The following KCNH1 variants were observed in gnomAD, a reference collection of about 807,000 sequenced individuals.
KCNH1 encodes the protein voltage-gated delayed rectifier potassium channel KCNH1.
A neutral mutation model predicts 69.2 loss-of-function variants in KCNH1; 27 were observed. The ratio of observed to expected loss-of-function variants is 0.39; its 90% CI spans 0.29 to 0.54. The LOEUF (loss-of-function observed/expected upper bound fraction) is 0.54, where lower values mean the gene tolerates loss of function less well. KCNH1 is among the 20% of genes least tolerant of loss of function. The pLI, the probability that KCNH1 is intolerant of heterozygous loss-of-function variation, is 0.68. For missense variants in KCNH1, 798 were observed against 1,261.6 expected (o/e 0.63, Z 5.57); for synonymous variants, 456 against 487.7 (o/e 0.93, Z 0.86).
chr1:211,113,108 T>G (rs1691504087), intron 1 of KCNH1, among the ~76,000 whole-genome samples: 1 of 152,186 alleles, frequency 6.6e-6, no homozygotes, highest in Admixed American at 6.5e-5. Flanking sequence ...AACCTTTACA[T>G]GAATCTTTGT....
At chr1:210,906,332 C>T (rs557398553) in intron 7 of KCNH1, among the ~76,000 whole-genome samples, 8 of 152,266 alleles carry the variant, frequency 5.3e-5, no homozygotes, top group East Asian at 3.9e-4. Context: ...GACACAGTGC[C>T]GGGGAGGGGA....
intron 10 of KCNH1, among the ~76,000 whole-genome samples, chr1:210,704,296 C>A (rs1329881035): frequency 6.6e-6 from 1 of 152,172 alleles, no homozygotes; most frequent in Non-Finnish European, 1.5e-5. Context: ...AGGTTATCAA[C>A]CTCATTTCTA....
At chr1:210,925,271 A>T (rs1450988395) in intron 6 of KCNH1, among the ~76,000 whole-genome samples, 1 of 152,250 alleles carries the variant, frequency 6.6e-6, no homozygotes, top group Non-Finnish European at 1.5e-5. Flanking sequence ...ACTAGCTTGC[A>T]GCTCCCACTT....
At chr1:210,746,263 T>C (rs1683155320) in intron 10 of KCNH1, among the ~76,000 whole-genome samples, 1 of 152,184 alleles carries the variant, frequency 6.6e-6, no homozygotes, top group Non-Finnish European at 1.5e-5. Context: ...CAGAGTTTTA[T>C]TGTGTAAAAA....
chr1:211,120,184 A>G (rs2102496819), intron 1 of KCNH1, among the ~76,000 whole-genome samples: 1 of 150,388 alleles, frequency 6.6e-6, no homozygotes, highest in East Asian at 1.9e-4. Context: ...TTGATTATAT[A>G]TATACATTTT....
chr1:210,777,258 G>A (rs974698786), intron 9 of KCNH1, among the ~76,000 whole-genome samples: 1 of 152,256 alleles, frequency 6.6e-6, no homozygotes, highest in South Asian at 2.1e-4. Context: ...GATATCTGTG[G>A]GCACAGCCTT....
intron 7 of KCNH1, among the ~76,000 whole-genome samples, chr1:210,833,410 C>T (rs1574284104): frequency 6.6e-6 from 1 of 152,088 alleles, no homozygotes; most frequent in Admixed American, 6.5e-5. Flanking sequence ...CTTTGACAAA[C>T]CTGAGAAAAA....
intron 3 of KCNH1, among the ~76,000 whole-genome samples, chr1:211,097,010 C>T (rs1253022840): frequency 6.6e-6 from 1 of 152,162 alleles, no homozygotes; most frequent in African/African-American, 2.4e-5. Flanking sequence ...CTATTATTCC[C>T]ATTTCAAATG....
chr1:210,820,322 T>G (rs1684902582), intron 7 of KCNH1, among the ~76,000 whole-genome samples: 1 of 152,146 alleles, frequency 6.6e-6, no homozygotes, highest in South Asian at 2.1e-4. Context: ...AACCTATGAC[T>G]ATGTTACTTT....
intron 10 of KCNH1, among the ~76,000 whole-genome samples, chr1:210,698,684 G>A (rs976540125): frequency 2.6e-5 from 4 of 152,188 alleles, no homozygotes; most frequent in African/African-American, 9.7e-5. Context: ...ACTGGGTTCT[G>A]TTCTAAACAC....
At chr1:210,780,629 G>A (rs1683958057) in intron 9 of KCNH1, among the ~76,000 whole-genome samples, 1 of 152,216 alleles carries the variant, frequency 6.6e-6, no homozygotes, top group African/African-American at 2.4e-5. Flanking sequence ...ATTAATGTCT[G>A]AGCTGCAACC....
intron 6 of KCNH1, among the ~76,000 whole-genome samples, chr1:210,948,578 C>T (rs1688004201): frequency 6.6e-6 from 1 of 151,958 alleles, no homozygotes; most frequent in Non-Finnish European, 1.5e-5. Context: ...ACCTGTAATC[C>T]CAGCACTTTG....
chr1:210,711,093 G>A (rs1330832460), intron 10 of KCNH1, among the ~76,000 whole-genome samples: 1 of 151,886 alleles, frequency 6.6e-6, no homozygotes, highest in African/African-American at 2.4e-5. Flanking sequence ...CCTTTATTTT[G>A]GCTGCTACAG....
At chr1:210,987,698 G>C (rs1389079291) in intron 6 of KCNH1, among the ~76,000 whole-genome samples, 1 of 152,184 alleles carries the variant, frequency 6.6e-6, no homozygotes, top group East Asian at 1.9e-4. Flanking sequence ...CCCCTACTGG[G>C]GGGTGCCTCC....
At chr1:210,693,881 C>T (rs1206588020) in intron 10 of KCNH1, among the ~76,000 whole-genome samples, 1 of 152,202 alleles carries the variant, frequency 6.6e-6, no homozygotes, top group East Asian at 1.9e-4. Flanking sequence ...GCTTTGGCCC[C>T]TAATGTTGTC....
intron 5 of KCNH1, among the ~76,000 whole-genome samples, chr1:211,050,359 A>G (rs1434696412): frequency 2.7e-5 from 4 of 149,490 alleles, no homozygotes; most frequent in Admixed American, 6.8e-5. Context: ...TTGGGATTTC[A>G]GACATCCCTA....
rs1476619595 is a variant in KCNH1, at chr1:211,133,193, A to C, written c.79+674T>G. Reference sequence around the variant, plus strand: ...GAAATATAACAGGTTTGTACCTGTGACCATTTAGTTCGCTCTGCACCTGTG... The same window carrying C: ...GAAATATAACAGGTTTGTACCTGTGCCCATTTAGTTCGCTCTGCACCTGTG... On this transcript the variant is annotated intron_variant, in intron 1 of 10. Transcript: ENST00000271751. This position sits in a 1 kb window ranked among gnomAD's most constrained non-coding sequence, Gnocchi z 5.4. 3 of 152,174 alleles carry C rather than the reference A, an allele frequency of 2.0e-5. No homozygotes were observed. Among genetic ancestry groups the C allele is most frequent in the Non-Finnish European group, 2.9e-5 (2 of 68,072 alleles). The allele number at this position is 152,174 out of a possible 1,614,324, so 9.4% of individuals were successfully genotyped here. A position where few individuals can be genotyped will look rare whatever the true frequency, so the allele number is the denominator to read the frequency against.
chr1:211,030,556 G>A (rs914058936), intron 5 of KCNH1, among the ~76,000 whole-genome samples: 32 of 152,194 alleles, frequency 2.1e-4, no homozygotes, highest in African/African-American at 7.5e-4. Context: ...ACATCAATAA[G>A]CCAGAAAAGG....
intron 10 of KCNH1, among the ~76,000 whole-genome samples, chr1:210,745,596 A>G (rs1002727543): frequency 2.6e-5 from 4 of 152,114 alleles, no homozygotes; most frequent in African/African-American, 9.7e-5. Flanking sequence ...GCATCTCCAT[A>G]CTGTTCTGGA....
Sources: gnomAD v4.1 joint callset for allele counts (sites outside exome capture counted in the v4.1 genomes callset) on GRCh38, gnomAD v4.1.1 for gene constraint, Gnocchi (gnomAD v3.1) non-coding constraint, MANE v1.5 for transcripts, NCBI Gene and HGNC (gene_info 2026-07-23, HGNC 2026-07-21) for gene names.